The following KCND2 variants were observed in gnomAD, a reference collection of about 807,000 sequenced individuals.
The protein encoded by KCND2 is potassium voltage-gated channel subfamily D member 2, also known as A-type voltage-gated potassium channel KCND2.
KCND2 carries 16 observed loss-of-function variants against 54.4 expected under a neutral mutation model. The ratio of observed to expected loss-of-function variants is 0.29; its 90% CI spans 0.20 to 0.45. The LOEUF (loss-of-function observed/expected upper bound fraction) is 0.45. Among genes scored for constraint, KCND2 ranks in the 20% least tolerant of loss-of-function variants. KCND2 has a pLI of 1.00. For synonymous variants in KCND2, 317 were observed against 310.7 expected (o/e 1.02, Z -0.21); for missense variants, 486 against 824.2 (o/e 0.59, Z 5.02).
chr7:120,682,070 A>G (rs1450433500), intron 1 of KCND2, among the ~76,000 whole-genome samples: 4 of 152,060 alleles, frequency 2.6e-5, no homozygotes, highest in Non-Finnish European at 5.9e-5. Flanking sequence ...CTTTTCAAAA[A>G]CATGCTCTCG....
intron 1 of KCND2, among the ~76,000 whole-genome samples, chr7:120,478,382 C>T (rs1802559600): frequency 6.6e-6 from 1 of 152,020 alleles, no homozygotes; most frequent in African/African-American, 2.4e-5. Flanking sequence ...CTTAGTCATA[C>T]TACCTATACC....
chr7:120,361,611 G>A (rs987537804), intron 1 of KCND2, among the ~76,000 whole-genome samples: 1 of 152,040 alleles, frequency 6.6e-6, no homozygotes, highest in African/African-American at 2.4e-5. Context: ...TGGTGAGTGA[G>A]TTGCATGTTA....
chr7:120,528,475 A>G (rs1176924045), intron 1 of KCND2, among the ~76,000 whole-genome samples: 4 of 152,124 alleles, frequency 2.6e-5, no homozygotes, highest in African/African-American at 4.8e-5. Context: ...ATAACATATT[A>G]ATTTATGGTG....
chr7:120,544,196 A>G (rs1252117162), intron 1 of KCND2, among the ~76,000 whole-genome samples: 1 of 151,924 alleles, frequency 6.6e-6, no homozygotes, highest in Non-Finnish European at 1.5e-5. Context: ...TTCTTAAAAG[A>G]GTTGAGGTTA....
chr7:120,411,930 T>G (rs1801456611), intron 1 of KCND2, among the ~76,000 whole-genome samples: 1 of 151,956 alleles, frequency 6.6e-6, no homozygotes, highest in Admixed American at 6.6e-5. Context: ...AATTGCATCT[T>G]TCAAGATGTA....
At chr7:120,640,351 T>C (rs1325580362) in intron 1 of KCND2, among the ~76,000 whole-genome samples, 2 of 152,180 alleles carry the variant, frequency 1.3e-5, no homozygotes, top group African/African-American at 2.4e-5. Context: ...GAAAAGTAAA[T>C]GTCAATAGGC....
chr7:120,379,377 T>G (rs946896935), intron 1 of KCND2, among the ~76,000 whole-genome samples: 1 of 152,074 alleles, frequency 6.6e-6, no homozygotes, highest in African/African-American at 2.4e-5. Context: ...TAGTGTGTCC[T>G]GTTTAAGGTC....
At chr7:120,458,894 G>A (rs1802240465) in intron 1 of KCND2, among the ~76,000 whole-genome samples, 1 of 150,298 alleles carries the variant, frequency 6.7e-6, no homozygotes, top group Admixed American at 6.6e-5. Flanking sequence ...GACAGTAGGA[G>A]ACCAGGTAGG....
intron 1 of KCND2, among the ~76,000 whole-genome samples, chr7:120,302,998 T>G (rs1225698766): frequency 6.6e-6 from 1 of 152,188 alleles, no homozygotes; most frequent in Non-Finnish European, 1.5e-5. Flanking sequence ...TATTAGAACC[T>G]CAGTTTCATC....
chr7:120,295,004 A>AT (rs1301904624), intron 1 of KCND2, among the ~76,000 whole-genome samples: 3 of 151,710 alleles, frequency 2.0e-5, no homozygotes, highest in South Asian at 4.2e-4. Flanking sequence ...CATTGAATAC[A>AT]TTTTTTTGCT....
intron 1 of KCND2, among the ~76,000 whole-genome samples, chr7:120,426,584 C>CTTTTTTTTTT (rs1563042450): frequency 8.1e-6 from 1 of 123,752 alleles, no homozygotes. Context: ...TGGGGTTTTT[C>CTTTTTTTTTT]TTTGTTTTTT....
At chr7:120,298,705 CCT>C (rs1799544395) in intron 1 of KCND2, among the ~76,000 whole-genome samples, 1 of 152,150 alleles carries the variant, frequency 6.6e-6, no homozygotes, top group Non-Finnish European at 1.5e-5. Context: ...GCCGTCAAAG[CCT>C]AATCTTGGAA....
intron 1 of KCND2, among the ~76,000 whole-genome samples, chr7:120,337,127 G>C (rs1458064783): frequency 1.3e-5 from 2 of 151,866 alleles, no homozygotes; most frequent in South Asian, 2.1e-4. Flanking sequence ...CATGCTACAA[G>C]GTGAAAGTCA....
intron 1 of KCND2, among the ~76,000 whole-genome samples, chr7:120,307,236 A>G (rs1799661260): frequency 6.6e-6 from 1 of 152,056 alleles, no homozygotes; most frequent in African/African-American, 2.4e-5. Context: ...CCTTCACATC[A>G]AATAAGGGGA....
intron 1 of KCND2, among the ~76,000 whole-genome samples, chr7:120,532,802 C>T (rs914808504): frequency 6.6e-6 from 1 of 151,692 alleles, no homozygotes; most frequent in African/African-American, 2.4e-5. Context: ...AATAAAATAG[C>T]TATAAAATAA....
At chr7:120,469,131 T>G (rs540839409) in intron 1 of KCND2, among the ~76,000 whole-genome samples, 1 of 152,112 alleles carries the variant, frequency 6.6e-6, no homozygotes, top group Non-Finnish European at 1.5e-5. Flanking sequence ...TTTTGATCCA[T>G]TATGCATTTT....
chr7:120,309,079 T>C (rs1799689464), intron 1 of KCND2, among the ~76,000 whole-genome samples: 1 of 152,116 alleles, frequency 6.6e-6, no homozygotes, highest in South Asian at 2.1e-4. Context: ...AAGTGCTTTT[T>C]ACAAGGAACA....
chr7:120,287,635 T>C, intron 1 of KCND2, among the ~76,000 whole-genome samples: 1 of 152,180 alleles, frequency 6.6e-6, no homozygotes, highest in Non-Finnish European at 1.5e-5. Flanking sequence ...GGTGGATCAC[T>C]TGAGATCAGG....
At chr7:120,309,468 TATATATACACACACAC>T (rs1419707330) in intron 1 of KCND2, among the ~76,000 whole-genome samples, 66 of 123,292 alleles carry the variant, frequency 5.4e-4, no homozygotes, top group African/African-American at 1.9e-3. Flanking sequence ...TATATATATA[TATATATACACACACAC>T]ACACACACAC....
Sources: gnomAD v4.1 joint callset for allele counts (sites outside exome capture counted in the v4.1 genomes callset) on GRCh38, gnomAD v4.1.1 for gene constraint, MANE v1.5 for transcripts, NCBI Gene and HGNC (gene_info 2026-07-23, HGNC 2026-07-21) for gene names.